SPTLC2: variants seen among roughly 807,000 people sequenced by gnomAD.
The protein encoded by SPTLC2 is serine palmitoyltransferase long chain base subunit 2.
SPTLC2 carries 21 observed loss-of-function variants against 62.0 expected under a neutral mutation model. The observed-to-expected ratio is 0.34, with a 90% confidence interval of 0.24 to 0.49. The LOEUF (loss-of-function observed/expected upper bound fraction) is 0.49, where lower values mean the gene tolerates loss of function less well. Among genes scored for constraint, SPTLC2 ranks in the 20% least tolerant of loss-of-function variants. The pLI, the probability that SPTLC2 is intolerant of heterozygous loss-of-function variation, is 0.99. For synonymous variants in SPTLC2, 261 were observed against 261.8 expected, an observed-to-expected ratio of 1.00 and a Z score of 0.03; for missense variants, 511 against 713.0, an observed-to-expected ratio of 0.72 and a Z score of 3.23.
chr14:77,570,646 G>T, intron 4 of SPTLC2, 138 bp from the exon 5 acceptor site: 1 of 976,448 alleles, frequency 1.0e-6, no homozygotes, highest in Non-Finnish European at 1.6e-6. Flanking sequence ...ATATTATGAA[G>T]AGTAATATTC....
intron 1 of SPTLC2, among the ~76,000 whole-genome samples, chr14:77,599,057 C>T (rs2299922): frequency 0.58 from 88,017 of 151,860 alleles, 25,796 homozygotes; most frequent in South Asian, 0.69. Flanking sequence ...TCCCAAACAT[C>T]GTAAGATTAT....
intron 11 of SPTLC2, 56 bp from the exon 12 acceptor site, chr14:77,512,459 C>A (rs984159481): frequency 6.2e-7 from 1 of 1,613,204 alleles, no homozygotes; most frequent in African/African-American, 1.3e-5. Flanking sequence ...TGCAGGCATG[C>A]CTGGTGTTTT....
At chr14:77,593,406 T>C (rs1414565050) in intron 2 of SPTLC2, among the ~76,000 whole-genome samples, 1 of 152,190 alleles carries the variant, frequency 6.6e-6, no homozygotes, top group South Asian at 2.1e-4. Context: ...GCCTAGAACA[T>C]CTTTATTAAT....
intron 6 of SPTLC2, 136 bp downstream of exon 6, chr14:77,562,260 C>A: frequency 3.9e-6 from 3 of 764,780 alleles, no homozygotes; most frequent in Middle Eastern, 3.6e-4. Context: ...AAAGACTGGA[C>A]CGGAAGAACA....
rs35769140 is a variant in SPTLC2 at position 77,513,895 on chromosome 14, CA to C, written c.1570-1493del. Among the ~76,000 whole-genome samples, 707 of 106,200 alleles carry C rather than the reference CA, an allele frequency of 6.7e-3. 4 individuals are homozygous for C. Among genetic ancestry groups the C allele is most frequent in the African/African-American group, 0.023 (616 of 26,474 alleles). 69.7% of individuals were successfully genotyped at this position (106,200 alleles called of 152,430 possible). A position where few individuals can be genotyped will look rare whatever the true frequency, so the allele number is the denominator to read the frequency against. On this transcript the variant is annotated intron_variant, in intron 11 of 11. Transcript: ENST00000216484. ...GGGCAACAAGAGCAAAACTCTGTCTCAAAAAAAAAAAAAAAAAAGTCAAGGC... is the reference window on the plus strand; with the variant it reads ...GGGCAACAAGAGCAAAACTCTGTCTCAAAAAAAAAAAAAAAAAGTCAAGGC...
chr14:77,564,466 C>A (rs2079633958), intron 5 of SPTLC2, among the ~76,000 whole-genome samples: 1 of 149,070 alleles, frequency 6.7e-6, no homozygotes, highest in Non-Finnish European at 1.5e-5. Flanking sequence ...TGTGTGTATG[C>A]ATGAGTTCGC....
At chr14:77,540,749 C>T (rs965875612) in intron 9 of SPTLC2, among the ~76,000 whole-genome samples, 2 of 152,234 alleles carry the variant, frequency 1.3e-5, no homozygotes, top group Non-Finnish European at 2.9e-5. Flanking sequence ...GCTGGGATTA[C>T]AGGCGTGAGC....
chr14:77,560,706 C>G (rs1435886561), intron 6 of SPTLC2, among the ~76,000 whole-genome samples: 1 of 151,860 alleles, frequency 6.6e-6, no homozygotes, highest in Non-Finnish European at 1.5e-5. Context: ...ATGTCCTTTG[C>G]AGCAACATGG....
intron 9 of SPTLC2, among the ~76,000 whole-genome samples, chr14:77,548,889 C>T (rs1473475477): frequency 1.3e-5 from 2 of 152,148 alleles, no homozygotes; most frequent in Admixed American, 6.5e-5. Flanking sequence ...TTTCTTCACA[C>T]AAAAAGATGA....
intron 2 of SPTLC2, among the ~76,000 whole-genome samples, chr14:77,583,463 G>A (rs939093358): frequency 3.3e-5 from 5 of 151,952 alleles, no homozygotes; most frequent in East Asian, 3.8e-4. Flanking sequence ...GTGAGTACTC[G>A]ATACATACTG....
chr14:77,589,527 T>C (rs890417239), intron 2 of SPTLC2, among the ~76,000 whole-genome samples: 2 of 151,428 alleles, frequency 1.3e-5, no homozygotes, highest in Non-Finnish European at 2.9e-5. Context: ...CGGTGGCTCA[T>C]GCCTGTAATC....
chr14:77,586,419 C>T (rs998128975), intron 2 of SPTLC2, among the ~76,000 whole-genome samples: 21 of 152,060 alleles, frequency 1.4e-4, no homozygotes, highest in African/African-American at 4.8e-4. Context: ...TTCCATGTGA[C>T]CCAGCAATTC....
chr14:77,543,081 A>T (rs933195048), intron 9 of SPTLC2, among the ~76,000 whole-genome samples: 1 of 152,120 alleles, frequency 6.6e-6, no homozygotes, highest in Non-Finnish European at 1.5e-5. Context: ...ACCAAGTCTC[A>T]CTCTGTTGCC....
chr14:77,539,506 T>TTGG (rs374182497), intron 9 of SPTLC2, among the ~76,000 whole-genome samples: 1 of 80,100 alleles, frequency 1.2e-5, no homozygotes, highest in Non-Finnish European at 2.6e-5. Flanking sequence ...TTTTTTTTTT[T>TTGG]GGAGATGGGG....
At chr14:77,591,692 CTGTATGTA>C (rs147430744) in intron 2 of SPTLC2, among the ~76,000 whole-genome samples, 3,396 of 130,460 alleles carry the variant, frequency 0.026, 140 homozygotes, top group African/African-American at 0.086. Context: ...TAGTGCTCTT[CTGTATGTA>C]TGTATGTATG....
intron 1 of SPTLC2, among the ~76,000 whole-genome samples, chr14:77,612,739 T>C (rs1288572562): frequency 6.6e-6 from 1 of 152,234 alleles, no homozygotes; most frequent in Non-Finnish European, 1.5e-5. Context: ...AGTTATTTAT[T>C]TGCCTCCTCC....
At chr14:77,606,291 C>T (rs2140063208) in intron 1 of SPTLC2, among the ~76,000 whole-genome samples, 1 of 152,316 alleles carries the variant, frequency 6.6e-6, no homozygotes, top group East Asian at 1.9e-4. Flanking sequence ...AACCGCGTGC[C>T]ACTGCACTCC....
Position 77,508,443 on chromosome 14 carries a change from G to C in SPTLC2, c.*3841C>G, listed in dbSNP as rs1379866396. On this transcript the variant is annotated 3_prime_UTR_variant, in exon 12 of 12. Coordinates refer to ENST00000216484, the MANE Select transcript of SPTLC2 (RefSeq NM_004863.4). ...CCCTACAAATCCTTGCAAAACAACA[G>C]TTACTCACATTCTTTCTTCACGGCC... The C allele has an allele frequency of 6.6e-6, 1 of 152,192 alleles. No homozygotes were observed. The highest frequency in any genetic ancestry group is 1.5e-5 in the Non-Finnish European group (1 of 68,048). The allele number at this position is 152,192 out of a possible 1,614,324, so 9.4% of individuals were successfully genotyped here. A position where few individuals can be genotyped will look rare whatever the true frequency, so the allele number is the denominator to read the frequency against.
In SPTLC2 at chr14:77,549,706, T is replaced by C. The variant is rs373400484; in HGVS notation, c.1303+2390A>G. Among the ~76,000 whole-genome samples the C allele has an allele frequency of 1.7e-4, 26 of 152,330 alleles. No homozygotes were observed. In the East Asian group the frequency reaches 4.8e-3, roughly 28 times the overall value. ...ATAATCAGATGGCTGTTGTGTCACA[T>C]CACTAAGCTTTGGGGGTGGCTAGAG... On this transcript the variant is annotated intron_variant, in intron 9 of 11. Coordinates refer to ENST00000216484, the MANE Select transcript of SPTLC2 (RefSeq NM_004863.4).
Sources: gnomAD v4.1 joint callset for allele counts (sites outside exome capture counted in the v4.1 genomes callset) on GRCh38, gnomAD v4.1.1 for gene constraint, MANE v1.5 for transcripts, NCBI Gene and HGNC (gene_info 2026-07-23, HGNC 2026-07-21) for gene names.